The following ADAP2 variants were observed in gnomAD, a reference collection of about 807,000 sequenced individuals.
ADAP2 encodes arf-GAP with dual PH domain-containing protein 2.
ADAP2 carries 42 observed loss-of-function variants against 54.9 expected under a neutral mutation model. The observed-to-expected ratio is 0.77, with a 90% confidence interval of 0.60 to 0.99. ADAP2 has a LOEUF of 0.99. ADAP2 is among the 50% of genes least tolerant of loss of function. ADAP2 has a pLI of 0.00. For missense variants in ADAP2, 429 were observed against 480.4 expected, an observed-to-expected ratio of 0.89 and a Z score of 1.00; for synonymous variants, 177 against 180.1, an observed-to-expected ratio of 0.98 and a Z score of 0.14.
At position 30,959,179 on chromosome 17, in the gene ADAP2, C is replaced by G. The variant is rs1331917158; in HGVS notation, c.*1310C>G. On this transcript the variant is annotated 3_prime_UTR_variant, in exon 11 of 11. Coordinates refer to ENST00000330889, the MANE Select transcript of ADAP2 (RefSeq NM_018404.3). ...GGGGATGAGGAAATTAATAAAGGTA[C>G]AGTCTTGCCTTCAAGGAACTTATGG... 2 of 152,148 alleles carry G rather than the reference C, an allele frequency of 1.3e-5. No individual in the cohort carries two copies. The highest frequency in any genetic ancestry group is 4.8e-5 in the African/African-American group (2 of 41,422). The allele number at this position is 152,148 out of a possible 1,614,324, so 9.4% of individuals were successfully genotyped here. A position where few individuals can be genotyped will look rare whatever the true frequency, so the allele number is the denominator to read the frequency against.
chr17:30,929,865 T>C (rs994311216), intron 3 of ADAP2, among the ~76,000 whole-genome samples: 7 of 151,716 alleles, frequency 4.6e-5, no homozygotes, highest in Admixed American at 4.6e-4. Context: ...CCTGGTTAAT[T>C]TTTGTATTTT....
intron 6 of ADAP2, among the ~76,000 whole-genome samples, chr17:30,948,137 G>A (rs1031770763): frequency 6.6e-6 from 1 of 152,222 alleles, no homozygotes; most frequent in African/African-American, 2.4e-5. Flanking sequence ...CCGAGAGGAA[G>A]GAACAGTAGG....
At chr17:30,929,403 C>G (rs1414533824) in intron 3 of ADAP2, among the ~76,000 whole-genome samples, 1 of 152,204 alleles carries the variant, frequency 6.6e-6, no homozygotes, top group Non-Finnish European at 1.5e-5. Context: ...TCGCTGCTGC[C>G]ACTCTGTCCT....
chr17:30,922,637 A>C, intron 1 of ADAP2, among the ~76,000 whole-genome samples: 1 of 145,724 alleles, frequency 6.9e-6, no homozygotes, highest in African/African-American at 2.6e-5. Context: ...CAGCCTCCCC[A>C]CCTGCAGCTC....
intron 4 of ADAP2, among the ~76,000 whole-genome samples, chr17:30,933,685 AG>A (rs1488263261): frequency 6.6e-6 from 1 of 152,058 alleles, no homozygotes; most frequent in Non-Finnish European, 1.5e-5. Flanking sequence ...TTTTTAGTAG[AG>A]ACGGGGTTTC....
chr17:30,935,388 T>G (rs920669849), intron 5 of ADAP2, among the ~76,000 whole-genome samples: 2 of 151,604 alleles, frequency 1.3e-5, no homozygotes, highest in African/African-American at 4.8e-5. Context: ...AGAAGTAAAA[T>G]AGCGGAGAGT....
chr17:30,958,871 G>C lies in ADAP2; in HGVS notation c.*1002G>C, dbSNP rs1396159571. 1.3e-5 allele frequency: 2 copies of C among 149,366 alleles called. No homozygotes were observed. The highest frequency in any genetic ancestry group is 5.1e-5 in the African/African-American group (2 of 38,852). 9.3% of individuals were successfully genotyped at this position (149,366 alleles called of 1,614,324 possible). On this transcript the variant is annotated 3_prime_UTR_variant, in exon 11 of 11. Coordinates refer to ENST00000330889, the MANE Select transcript of ADAP2 (RefSeq NM_018404.3). ...ACCACTTTACTTAGCCTGGGTGACA[G>C]AGTGAGACCCTATCTCAAAAAAAAA...
intron 5 of ADAP2, among the ~76,000 whole-genome samples, chr17:30,938,818 T>A (rs1449620386): frequency 6.6e-6 from 1 of 152,138 alleles, no homozygotes; most frequent in Non-Finnish European, 1.5e-5. Flanking sequence ...ACAAACATTG[T>A]AAGATGCAAG....
In ADAP2 at chr17:30,958,205, T is replaced by G; in HGVS notation, c.*336T>G. The stretch of plus-strand genomic sequence containing the variant: ...AAAGGCACCCACAGCATCATGCAAG[T>G]GGCATCTTGTAAAAAAAAAAAAAAA... On this transcript the variant is annotated 3_prime_UTR_variant, in exon 11 of 11. Coordinates refer to ENST00000330889, the MANE Select transcript of ADAP2 (RefSeq NM_018404.3). The G allele has an allele frequency of 6.8e-6, 2 of 295,680 alleles. No homozygotes were observed. The highest frequency in any genetic ancestry group is 7.7e-5 in the South Asian group (1 of 12,974). The allele number at this position is 295,680 out of a possible 1,614,324, so 18.3% of individuals were successfully genotyped here.
At chr17:30,922,731 A>G (rs1274725511) in intron 1 of ADAP2, among the ~76,000 whole-genome samples, 3 of 149,314 alleles carry the variant, frequency 2.0e-5, no homozygotes, top group African/African-American at 7.4e-5. Context: ...GCAGCCTCAG[A>G]CTCTCTCCCC....
rs1220769092 is a variant in ADAP2, at chr17:30,949,361, A to G, written c.732A>G (p.Pro244=). Residue 244 remains proline, a synonymous_variant, in exon 7 of 11, where the codon CCA becomes CCG. Coordinates refer to ENST00000330889, the MANE Select transcript of ADAP2 (RefSeq NM_018404.3). Reference sequence around the variant, plus strand: ...TAAAAATGGCCTTTCCTGAACTCCCAGAGTCTGAGGTGAGCTAAATGCGGA... The same window carrying G: ...TAAAAATGGCCTTTCCTGAACTCCCGGAGTCTGAGGTGAGCTAAATGCGGA... The part of the protein sequence containing the change: ...QYLKMAFPEL[P]ESELVPFLTR... 6.2e-6 allele frequency: 10 copies of G among 1,613,958 alleles called. No individual in the cohort carries two copies. Among genetic ancestry groups the G allele is most frequent in the Admixed American group, 1.7e-5 (1 of 60,004 alleles).
chr17:30,938,243 A>G (rs1912027991), intron 5 of ADAP2, among the ~76,000 whole-genome samples: 1 of 152,224 alleles, frequency 6.6e-6, no homozygotes. Context: ...TTAGCTGGCC[A>G]GAGACCCAAA....
intron 5 of ADAP2, among the ~76,000 whole-genome samples, chr17:30,937,193 G>T (rs2142538644): frequency 6.6e-6 from 1 of 152,038 alleles, no homozygotes; most frequent in Middle Eastern, 3.4e-3. Context: ...CAAAGTGCTG[G>T]GATTACAGGC....
chr17:30,956,258 C>T lies in ADAP2; in HGVS notation c.900C>T (p.Gly300=), dbSNP rs1783495998. The T allele has an allele frequency of 3.7e-6, 6 of 1,614,120 alleles. No homozygotes were observed. Among genetic ancestry groups the T allele is most frequent in the Non-Finnish European group, 5.1e-6 (6 of 1,180,008 alleles). Residue 300 remains glycine (G), a synonymous_variant, in exon 10 of 11, where the codon GGC becomes GGT. Coordinates refer to ENST00000330889, the MANE Select transcript of ADAP2 (RefSeq NM_018404.3). ...YKNPLDAFEQ[G]QVFLGNKEQG... ...ATTTTCAGGATGCCTTCGAGCAGGG[C>T]CAGGTTTTTCTTGGGAACAAGGAGC...
At chr17:30,922,159 C>A (rs925365799) in intron 1 of ADAP2, 51 bp downstream of exon 1, 108 of 1,179,202 alleles carry the variant, frequency 9.2e-5, no homozygotes, top group Non-Finnish European at 1.1e-4. Flanking sequence ...GGACCCCAGG[C>A]CCACCCGACT....
Position 30,934,125 on chromosome 17 carries a change from T to C in ADAP2, c.398-60T>C. 3 of 1,352,062 alleles carry C rather than the reference T, an allele frequency of 2.2e-6. No homozygotes were observed. The South Asian group carries it at 3.6e-5, about 16-fold the overall frequency. The allele number at this position is 1,352,062 out of a possible 1,614,324, so 83.8% of individuals were successfully genotyped here. On this transcript the variant is annotated intron_variant, in intron 4 of 10. Transcript: ENST00000330889. ...CACCCTTGAGAACCTCAGAGGTTCC[T>C]GAGCTGCTTGTGATCTTAAGGTCAC...
intron 4 of ADAP2, among the ~76,000 whole-genome samples, chr17:30,933,102 A>G (rs1911615789): frequency 6.6e-6 from 1 of 152,172 alleles, no homozygotes; most frequent in Non-Finnish European, 1.5e-5. Flanking sequence ...TCTGACCCAG[A>G]CAGTAAAGTA....
chr17:30,941,196 G>A (rs1037593736), intron 5 of ADAP2, among the ~76,000 whole-genome samples: 1 of 152,224 alleles, frequency 6.6e-6, no homozygotes, highest in Non-Finnish European at 1.5e-5. Context: ...TCAGATTTGT[G>A]TGAGCTGCAC....
intron 7 of ADAP2, among the ~76,000 whole-genome samples, chr17:30,949,752 A>AG (rs1904479834): frequency 6.6e-6 from 1 of 150,610 alleles, no homozygotes; most frequent in African/African-American, 2.4e-5. Flanking sequence ...CCGTCTCAAA[A>AG]AAAAAAAAAA....
Sources: allele counts gnomAD v4.1 joint callset (sites outside exome capture counted in the v4.1 genomes callset), GRCh38; gene constraint gnomAD v4.1.1; transcripts MANE v1.5; gene names NCBI Gene and HGNC (gene_info 2026-07-23, HGNC 2026-07-21).